NTM: variants seen among roughly 807,000 people sequenced by gnomAD.
NTM encodes the protein IgLON family member 2.
A neutral mutation model predicts 42.1 loss-of-function variants in NTM; 13 were observed. That is an observed-to-expected ratio of 0.31 (90% confidence interval 0.20 to 0.49). The LOEUF is 0.49. Among genes scored for constraint, NTM ranks in the 20% least tolerant of loss-of-function variants. NTM has a pLI of 0.99. For missense variants in NTM, 373 were observed against 452.8 expected, an observed-to-expected ratio of 0.82 and a Z score of 1.60; for synonymous variants, 187 against 179.2, an observed-to-expected ratio of 1.04 and a Z score of -0.35.
intron 3 of NTM, among the ~76,000 whole-genome samples, chr11:132,151,723 C>CA (rs1380431505): frequency 2.0e-4 from 31 of 152,200 alleles, no homozygotes; most frequent in African/African-American, 7.5e-4. Flanking sequence ...CCTTTGGAGT[C>CA]AAACAGCTCC....
At chr11:131,786,273 A>G (rs927212337) in intron 1 of NTM, among the ~76,000 whole-genome samples, 1 of 152,228 alleles carries the variant, frequency 6.6e-6, no homozygotes, top group African/African-American at 2.4e-5. Flanking sequence ...ATCTATCTTT[A>G]GACAGACTAC....
At chr11:131,533,585 A>G (rs1418817856) in intron 1 of NTM, among the ~76,000 whole-genome samples, 1 of 152,232 alleles carries the variant, frequency 6.6e-6, no homozygotes, top group East Asian at 1.9e-4. Context: ...TCTGGCTTCA[A>G]ATCCTCACCT....
At chr11:131,598,849 C>CT (rs2060168101) in intron 1 of NTM, among the ~76,000 whole-genome samples, 1 of 21,088 alleles carries the variant, frequency 4.7e-5, no homozygotes, top group African/African-American at 1.1e-4. Flanking sequence ...TTCTTTCTTT[C>CT]TTCCTTCCTT....
intron 1 of NTM, among the ~76,000 whole-genome samples, chr11:131,657,342 T>C (rs969742862): frequency 5.6e-4 from 85 of 152,152 alleles, no homozygotes; most frequent in African/African-American, 2.0e-3. Flanking sequence ...AACTATGCCG[T>C]GCAGGAAGGG....
At chr11:131,414,877 G>T (rs577742623) in intron 1 of NTM, among the ~76,000 whole-genome samples, 2 of 152,218 alleles carry the variant, frequency 1.3e-5, no homozygotes, top group South Asian at 4.1e-4. Context: ...TGCCAAACAG[G>T]GTTGTCTATA....
chr11:132,013,520 G>A (rs2072703608), intron 2 of NTM, among the ~76,000 whole-genome samples: 1 of 152,034 alleles, frequency 6.6e-6, no homozygotes, highest in African/African-American at 2.4e-5. Flanking sequence ...AGGAGATTTG[G>A]GAGTAAACAG....
At chr11:132,333,404 G>T (rs971359387) in intron 8 of NTM, among the ~76,000 whole-genome samples, 3 of 152,130 alleles carry the variant, frequency 2.0e-5, no homozygotes, top group Admixed American at 6.5e-5. Context: ...CAAAGAATGT[G>T]CTCTGTAGAT....
intron 4 of NTM, among the ~76,000 whole-genome samples, chr11:132,271,439 T>C (rs1226874834): frequency 6.6e-6 from 1 of 152,196 alleles, no homozygotes; most frequent in Non-Finnish European, 1.5e-5. Context: ...GGGTGGTAGG[T>C]TAACTACATT....
At chr11:131,762,034 G>C (rs928655404) in intron 1 of NTM, among the ~76,000 whole-genome samples, 1 of 152,086 alleles carries the variant, frequency 6.6e-6, no homozygotes, top group Non-Finnish European at 1.5e-5. Context: ...CCAGCCTTCA[G>C]AACTATAAGA....
At chr11:132,236,121 G>T (rs534221619) in intron 4 of NTM, among the ~76,000 whole-genome samples, 2 of 152,048 alleles carry the variant, frequency 1.3e-5, no homozygotes, top group South Asian at 4.1e-4. Flanking sequence ...GTCATTGAAG[G>T]CATGACAAAG....
At chr11:131,952,481 A>G (rs1309026877) in intron 2 of NTM, among the ~76,000 whole-genome samples, 1 of 152,214 alleles carries the variant, frequency 6.6e-6, no homozygotes, top group African/African-American at 2.4e-5. Flanking sequence ...CAATGCATAC[A>G]TACTTATGGG....
chr11:131,799,545 T>C (rs748160501), intron 1 of NTM, among the ~76,000 whole-genome samples: 19 of 152,080 alleles, frequency 1.2e-4, no homozygotes, highest in Non-Finnish European at 2.5e-4. Flanking sequence ...CCCCTGAAGA[T>C]CACAGGGAAA....
intron 1 of NTM, among the ~76,000 whole-genome samples, chr11:131,431,912 A>T (rs551496126): frequency 3.9e-4 from 60 of 152,118 alleles, no homozygotes; most frequent in South Asian, 1.3e-3. Context: ...CCCACACCCA[A>T]CCACCACGCA....
chr11:132,201,105 G>A lies in NTM; in HGVS notation c.401-10917G>A, dbSNP rs367970906. On this transcript the variant is annotated intron_variant, in intron 3 of 8. Coordinates refer to ENST00000683400, the MANE Select transcript of NTM (RefSeq NM_001352005.2). ...CAGACAAATGACCCCTATTGAAAAG[G>A]TAGTGGGATTACAGAGGTTGAAGTC... 5.3e-5 allele frequency among the ~76,000 whole-genome samples: 8 copies of A among 152,296 alleles called. No homozygotes were observed. The East Asian group carries it at 1.5e-3, about 29-fold the overall frequency.
At chr11:131,662,124 A>T (rs2068183146) in intron 1 of NTM, 1 of 152,264 alleles carries the variant, frequency 6.6e-6, no homozygotes, top group Admixed American at 6.5e-5. Flanking sequence ...CAAAAATACT[A>T]GAACTTGTTT....
At chr11:131,902,331 A>C (rs1249298216) in intron 1 of NTM, among the ~76,000 whole-genome samples, 1 of 152,208 alleles carries the variant, frequency 6.6e-6, no homozygotes, top group African/African-American at 2.4e-5. Context: ...TTATCTTCTT[A>C]AAATGTGTGG....
intron 1 of NTM, among the ~76,000 whole-genome samples, chr11:131,642,823 A>C (rs1045125923): frequency 6.6e-6 from 1 of 152,066 alleles, no homozygotes; most frequent in Non-Finnish European, 1.5e-5. Context: ...CATCTATCCA[A>C]TTATCGTCCT....
At chr11:131,434,189 G>T (rs1948926167) in intron 1 of NTM, among the ~76,000 whole-genome samples, 1 of 152,014 alleles carries the variant, frequency 6.6e-6, no homozygotes, top group Admixed American at 6.6e-5. Flanking sequence ...CTCTATCATC[G>T]ATGGACATTT....
intron 3 of NTM, among the ~76,000 whole-genome samples, chr11:132,211,303 T>G (rs1189053261): frequency 2.6e-5 from 4 of 152,154 alleles, no homozygotes; most frequent in African/African-American, 9.7e-5. Flanking sequence ...CTACTTGGAC[T>G]GAGGTGGGAT....
Sources: gnomAD v4.1 joint callset for allele counts (sites outside exome capture counted in the v4.1 genomes callset) on GRCh38, gnomAD v4.1.1 for gene constraint, MANE v1.5 for transcripts, NCBI Gene and HGNC (gene_info 2026-07-23, HGNC 2026-07-21) for gene names.